The following COG5 variants were observed in gnomAD, a reference collection of about 807,000 sequenced individuals.
COG5 encodes the protein component of oligomeric golgi complex 5.
Under a neutral mutation model 110.4 loss-of-function variants are expected in COG5, and 86 were observed. The ratio of observed to expected loss-of-function variants is 0.78; its 90% CI spans 0.65 to 0.93. The LOEUF is 0.93. Ranked by LOEUF, COG5 falls within the 40% of genes least tolerant of loss-of-function variation. The pLI, the probability that COG5 is intolerant of heterozygous loss-of-function variation, is 0.00. For synonymous variants in COG5, 360 were observed against 334.6 expected (o/e 1.08, Z -0.83); for missense variants, 1,077 against 987.0 (o/e 1.09, Z -1.22).
At chr7:107,548,003 CT>C in intron 5 of COG5, 107 bp downstream of exon 5, 1 of 913,564 alleles carries the variant, frequency 1.1e-6, no homozygotes, top group Middle Eastern at 3.3e-4. Flanking sequence ...TTTCTCTTAC[CT>C]TCTGTTCCCA....
intron 6 of COG5, among the ~76,000 whole-genome samples, chr7:107,476,810 C>A: frequency 6.6e-6 from 1 of 151,542 alleles, no homozygotes; most frequent in East Asian, 1.9e-4. Flanking sequence ...TATTAAATGT[C>A]TAAAAATTCA....
chr7:107,227,534 ATTGGAAAGGG>A (rs1054455118), intron 19 of COG5, among the ~76,000 whole-genome samples: 1 of 152,222 alleles, frequency 6.6e-6, no homozygotes, highest in Non-Finnish European at 1.5e-5. Context: ...TCATGTGAGA[ATTGGAAAGGG>A]TTGGCAGAAA....
intron 14 of COG5, among the ~76,000 whole-genome samples, chr7:107,270,564 CAT>C (rs1315834980): frequency 2.0e-5 from 3 of 151,962 alleles, no homozygotes; most frequent in African/African-American, 7.3e-5. Context: ...CCCAGCCTCA[CAT>C]ATGTTTTGAA....
intron 14 of COG5, among the ~76,000 whole-genome samples, chr7:107,273,333 G>A (rs552695797): frequency 8.5e-5 from 13 of 152,288 alleles, no homozygotes; most frequent in South Asian, 4.1e-4. Flanking sequence ...GTGGGTGTAC[G>A]CTAGGAAGGA....
At chr7:107,239,912 T>TA (rs910228884) in intron 17 of COG5, among the ~76,000 whole-genome samples, 1 of 152,214 alleles carries the variant, frequency 6.6e-6, no homozygotes, top group Admixed American at 6.5e-5. Context: ...AACATACGCA[T>TA]AACCAAGAAG....
intron 2 of COG5, among the ~76,000 whole-genome samples, chr7:107,557,059 G>A (rs575577382): frequency 6.6e-6 from 1 of 152,276 alleles, no homozygotes; most frequent in Admixed American, 6.5e-5. Context: ...ATAAGCCACT[G>A]CGCCCGGCCT....
intron 10 of COG5, among the ~76,000 whole-genome samples, chr7:107,340,259 A>C (rs1811063756): frequency 6.6e-6 from 1 of 152,182 alleles, no homozygotes. Context: ...TATGCGTACA[A>C]ACTAGAAAAT....
Position 107,324,425 on chromosome 7 carries a change from A to G in COG5, c.1108+15T>C. ...AAACTTTGAAATTAATTTTCAAAAT[A>G]AGTAGTAAACTTACAGTTTGTTGCC... On this transcript the variant is annotated intron_variant, in intron 11 of 21. Coordinates refer to ENST00000297135, the MANE Select transcript of COG5 (RefSeq NM_006348.5). 1 of 1,455,686 alleles carries G rather than the reference A, an allele frequency of 6.9e-7. No individual in the cohort carries two copies. The highest frequency in any genetic ancestry group is 9.6e-7 in the Non-Finnish European group (1 of 1,043,510). The allele number at this position is 1,455,686 out of a possible 1,614,324, so 90.2% of individuals were successfully genotyped here.
chr7:107,511,535 A>G (rs1799512848), intron 6 of COG5, among the ~76,000 whole-genome samples: 1 of 152,164 alleles, frequency 6.6e-6, no homozygotes, highest in Admixed American at 6.5e-5. Flanking sequence ...ATCCTCCCTA[A>G]CTCACTTTAT....
chr7:107,365,145 T>C (rs1241211132), intron 8 of COG5, among the ~76,000 whole-genome samples: 1 of 152,118 alleles, frequency 6.6e-6, no homozygotes, highest in African/African-American at 2.4e-5. Context: ...TACAAGACAT[T>C]GCCATTACCA....
chr7:107,356,111 C>G (rs572110108), intron 10 of COG5, among the ~76,000 whole-genome samples: 26 of 151,702 alleles, frequency 1.7e-4, no homozygotes, highest in Non-Finnish European at 3.4e-4. Context: ...AATAAAAGGA[C>G]AATAATTATA....
In COG5 at chr7:107,210,538, A is replaced by T; in HGVS notation, c.2363T>A (p.Leu788His). 4 of 1,599,996 alleles carry T rather than the reference A, an allele frequency of 2.5e-6. No individual in the cohort carries two copies. The highest frequency in any genetic ancestry group is 3.4e-6 in the Non-Finnish European group (4 of 1,173,390). ...LDDHPSEKDRLLLIRGALEAY... is the reference protein window; with the variant it reads ...LDDHPSEKDRHLLIRGALEAY... Reference sequence around the variant, plus strand: ...CACCTGGCTTTACCTGATGAGGAGGAGCCTGTCCTTTTCAGATGGATGGTC... The same window carrying T: ...CACCTGGCTTTACCTGATGAGGAGGTGCCTGTCCTTTTCAGATGGATGGTC... Residue 788 changes from leucine to histidine, a missense_variant, in exon 21 of 22, where the codon CTC becomes CAC. Leu to His is a moderately conservative substitution (Grantham distance 99, BLOSUM62 -3). Transcript: ENST00000297135.
At chr7:107,364,485 T>A (rs1216386122) in intron 8 of COG5, among the ~76,000 whole-genome samples, 1 of 152,026 alleles carries the variant, frequency 6.6e-6, no homozygotes, top group Non-Finnish European at 1.5e-5. Context: ...TTCTAGAGAG[T>A]GAGACTAAGA....
At chr7:107,296,301 T>C (rs1209203945) in intron 12 of COG5, among the ~76,000 whole-genome samples, 1 of 152,146 alleles carries the variant, frequency 6.6e-6, no homozygotes, top group Admixed American at 6.5e-5. Flanking sequence ...ACTGTTTGCT[T>C]TGTATATTTC....
At chr7:107,530,601 C>CAAAAAAAAA (rs953588412) in intron 5 of COG5, among the ~76,000 whole-genome samples, 2 of 47,768 alleles carry the variant, frequency 4.2e-5, no homozygotes, top group Non-Finnish European at 8.0e-5. Context: ...AACTCCATCT[C>CAAAAAAAAA]AAAAAAAAAA....
intron 14 of COG5, among the ~76,000 whole-genome samples, chr7:107,262,295 T>G (rs1209054916): frequency 6.6e-6 from 1 of 152,148 alleles, no homozygotes; most frequent in Non-Finnish European, 1.5e-5. Context: ...ACTTCTTTAT[T>G]TCCTTCCTTT....
intron 5 of COG5, among the ~76,000 whole-genome samples, chr7:107,537,376 T>C (rs1241570023): frequency 6.6e-6 from 1 of 152,168 alleles, no homozygotes; most frequent in Non-Finnish European, 1.5e-5. Flanking sequence ...AAAGAAAATG[T>C]GGCACATATA....
chr7:107,274,681 G>C (rs1804556409), intron 14 of COG5, among the ~76,000 whole-genome samples: 1 of 152,086 alleles, frequency 6.6e-6, no homozygotes, highest in Non-Finnish European at 1.5e-5. Context: ...GACCCGAGAA[G>C]CATGAGCAAT....
intron 11 of COG5, among the ~76,000 whole-genome samples, chr7:107,298,996 T>C (rs1048294568): frequency 6.6e-6 from 1 of 152,156 alleles, no homozygotes; most frequent in African/African-American, 2.4e-5. Context: ...AACGAAAATT[T>C]TAACGCAACA....
Sources: allele counts gnomAD v4.1 joint callset (sites outside exome capture counted in the v4.1 genomes callset), GRCh38; gene constraint gnomAD v4.1.1; transcripts MANE v1.5; gene names NCBI Gene and HGNC (gene_info 2026-07-23, HGNC 2026-07-21).